Variants in EPHA7 observed in about 807,000 individuals in gnomAD.
EPHA7 encodes EPH receptor A7.
EPHA7 carries 25 observed loss-of-function variants against 112.6 expected under a neutral mutation model. The ratio of observed to expected loss-of-function variants is 0.22; its 90% CI spans 0.16 to 0.31. The LOEUF (loss-of-function observed/expected upper bound fraction) is 0.31. EPHA7 is among the 10% of genes least tolerant of loss of function. The pLI is 1.00. For synonymous variants in EPHA7, 437 were observed against 406.5 expected (o/e 1.07, Z -0.90); for missense variants, 962 against 1,212.6 (o/e 0.79, Z 3.07).
At chr6:93,315,283 G>A (rs552270131) in intron 5 of EPHA7, among the ~76,000 whole-genome samples, 39 of 152,238 alleles carry the variant, frequency 2.6e-4, no homozygotes, top group African/African-American at 9.1e-4. Flanking sequence ...ATTAAAATAT[G>A]TACCACTTAG....
chr6:93,295,895 G>C lies in EPHA7; in HGVS notation c.1325-23473C>G, dbSNP rs75035972. On this transcript the variant is annotated intron_variant, in intron 5 of 16. Coordinates refer to ENST00000369303, the MANE Select transcript of EPHA7 (RefSeq NM_004440.4). ...ATAACTTCATCCTCAAATAATTTTA[G>C]CTATTCTTAGCCATTTTTGATCTTC... is the stretch of plus-strand genomic sequence containing the variant. Among the ~76,000 whole-genome samples, 138 of 151,772 alleles carry C rather than the reference G, an allele frequency of 9.1e-4. 3 individuals carry two copies. In the East Asian group the frequency reaches 0.024, roughly 26 times the overall value.
chr6:93,328,391 G>C (rs145066106), intron 5 of EPHA7, among the ~76,000 whole-genome samples: 1 of 151,360 alleles, frequency 6.6e-6, no homozygotes, highest in Non-Finnish European at 1.5e-5. Context: ...CCAGCATCTA[G>C]AGTAATGTAT....
At chr6:93,272,032 T>C (rs1771246527) in intron 6 of EPHA7, among the ~76,000 whole-genome samples, 1 of 151,796 alleles carries the variant, frequency 6.6e-6, no homozygotes, top group Non-Finnish European at 1.5e-5. Context: ...ATTACTACAA[T>C]ATCAGAAATT....
intron 5 of EPHA7, among the ~76,000 whole-genome samples, chr6:93,332,593 T>A (rs1343467946): frequency 1.3e-5 from 2 of 151,660 alleles, no homozygotes; most frequent in East Asian, 3.9e-4. Flanking sequence ...AGTAAACAAG[T>A]TTATAAAAAC....
intron 3 of EPHA7, among the ~76,000 whole-genome samples, chr6:93,377,898 T>C (rs943113825): frequency 1.2e-4 from 18 of 152,258 alleles, no homozygotes; most frequent in Middle Eastern, 3.4e-3. Flanking sequence ...CTTCTTATGT[T>C]CTTATTATGC....
intron 5 of EPHA7, among the ~76,000 whole-genome samples, chr6:93,281,317 T>C (rs1386743177): frequency 6.6e-6 from 1 of 152,154 alleles, no homozygotes; most frequent in Non-Finnish European, 1.5e-5. Flanking sequence ...GTAACTTCTA[T>C]TTTGATTGGT....
intron 5 of EPHA7, among the ~76,000 whole-genome samples, chr6:93,273,585 T>C (rs1018142879): frequency 1.3e-5 from 2 of 151,984 alleles, no homozygotes; most frequent in Non-Finnish European, 2.9e-5. Flanking sequence ...GGAAGATACA[T>C]GACTCTCATT....
chr6:93,314,614 G>A (rs1307295805), intron 5 of EPHA7, among the ~76,000 whole-genome samples: 1 of 151,968 alleles, frequency 6.6e-6, no homozygotes, highest in Non-Finnish European at 1.5e-5. Flanking sequence ...AGCCATATGA[G>A]TAGGTGTTAT....
intron 1 of EPHA7, among the ~76,000 whole-genome samples, chr6:93,415,605 C>CT (rs1351800673): frequency 6.6e-6 from 1 of 151,788 alleles, no homozygotes; most frequent in African/African-American, 2.4e-5. Context: ...TATTTTATTT[C>CT]TTTTTTGGAC....
intron 3 of EPHA7, among the ~76,000 whole-genome samples, chr6:93,363,602 A>G (rs1329623658): frequency 3.3e-5 from 5 of 152,180 alleles, no homozygotes; most frequent in Admixed American, 3.3e-4. Flanking sequence ...GAACTCTCCT[A>G]CACTGCTTGT....
chr6:93,379,590 C>T (rs114722655), intron 3 of EPHA7, among the ~76,000 whole-genome samples: 289 of 151,818 alleles, frequency 1.9e-3, no homozygotes, highest in African/African-American at 6.5e-3. Flanking sequence ...ACATAAAATA[C>T]GTGGAAATAG....
At chr6:93,315,128 C>T (rs1175510733) in intron 5 of EPHA7, among the ~76,000 whole-genome samples, 1 of 150,330 alleles carries the variant, frequency 6.7e-6, no homozygotes, top group Non-Finnish European at 1.5e-5. Flanking sequence ...TCCCAAAGTG[C>T]TGGGATTACA....
chr6:93,303,341 A>G (rs1773088834), intron 5 of EPHA7, among the ~76,000 whole-genome samples: 1 of 152,010 alleles, frequency 6.6e-6, no homozygotes, highest in South Asian at 2.1e-4. Context: ...CTATCTCCTT[A>G]CTTCTGTGTT....
intron 5 of EPHA7, among the ~76,000 whole-genome samples, chr6:93,311,202 A>G (rs1773524026): frequency 7.0e-6 from 1 of 142,356 alleles, no homozygotes; most frequent in Admixed American, 7.5e-5. Context: ...GGCTGACATG[A>G]TCCAACAGCC....
intron 3 of EPHA7, among the ~76,000 whole-genome samples, chr6:93,395,575 T>TCACACA (rs4053540): frequency 0.042 from 6,113 of 145,464 alleles, 256 homozygotes; most frequent in African/African-American, 0.12. Flanking sequence ...TTTACTTATT[T>TCACACA]CACACACACA....
At chr6:93,324,953 A>G (rs1774243397) in intron 5 of EPHA7, among the ~76,000 whole-genome samples, 1 of 151,290 alleles carries the variant, frequency 6.6e-6, no homozygotes, top group Non-Finnish European at 1.5e-5. Flanking sequence ...TCACTATTTT[A>G]TTTTGTACTT....
chr6:93,348,398 AG>A (rs1194955955), intron 5 of EPHA7, among the ~76,000 whole-genome samples: 2 of 151,918 alleles, frequency 1.3e-5, no homozygotes, highest in Non-Finnish European at 2.9e-5. Context: ...TAGGTACTAA[AG>A]AAAGCATCTC....
chr6:93,344,711 A>C (rs1436950947), intron 5 of EPHA7, among the ~76,000 whole-genome samples: 1 of 151,502 alleles, frequency 6.6e-6, no homozygotes, highest in Non-Finnish European at 1.5e-5. Context: ...TTGTGTCTTC[A>C]TTCTATTGAC....
At chr6:93,259,548 T>C in intron 9 of EPHA7, 69 bp from the exon 10 acceptor site, 1 of 1,581,442 alleles carries the variant, frequency 6.3e-7, no homozygotes, top group East Asian at 2.3e-5. Context: ...CCCAGGAATT[T>C]CATTATGCAG....
Sources: allele counts gnomAD v4.1 joint callset (sites outside exome capture counted in the v4.1 genomes callset), GRCh38; gene constraint gnomAD v4.1.1; transcripts MANE v1.5; gene names NCBI Gene and HGNC (gene_info 2026-07-23, HGNC 2026-07-21).